EDARADD: variants seen among roughly 807,000 people sequenced by gnomAD.
EDARADD encodes EDAR associated via death domain, also known as ectodysplasin-A receptor-associated adapter protein.
In EDARADD, 20 loss-of-function variants were observed where a neutral mutation model predicts 25.6. That is an observed-to-expected ratio of 0.78 (90% CI 0.55 to 1.14). The LOEUF (loss-of-function observed/expected upper bound fraction) is 1.14, where lower values mean the gene tolerates loss of function less well. Among genes scored for constraint, EDARADD ranks in the 50% most tolerant of loss-of-function variants. The pLI, the probability that EDARADD is intolerant of heterozygous loss-of-function variation, is 0.00. For synonymous variants in EDARADD, 86 were observed against 94.4 expected (o/e 0.91, Z 0.52); for missense variants, 225 against 270.1 (o/e 0.83, Z 1.17).
At chr1:236,415,003 G>A (rs905391150) in intron 3 of EDARADD, among the ~76,000 whole-genome samples, 3 of 152,150 alleles carry the variant, frequency 2.0e-5, no homozygotes, top group South Asian at 4.1e-4. Flanking sequence ...CCATTCTTGG[G>A]CAGGATTTCC....
intron 3 of EDARADD, among the ~76,000 whole-genome samples, chr1:236,364,235 C>T (rs932877928): frequency 3.3e-5 from 5 of 152,050 alleles, no homozygotes; most frequent in Admixed American, 6.6e-5. Context: ...TATAGCAATG[C>T]GAGAATGAAC....
At chr1:236,369,606 C>A (rs572220339) in intron 3 of EDARADD, among the ~76,000 whole-genome samples, 1 of 152,186 alleles carries the variant, frequency 6.6e-6, no homozygotes, top group African/African-American at 2.4e-5. Flanking sequence ...CTTTGGGGGG[C>A]CGAGGCAGGT....
At chr1:236,479,403 G>T (rs958705578) in intron 5 of EDARADD, among the ~76,000 whole-genome samples, 1 of 151,642 alleles carries the variant, frequency 6.6e-6, no homozygotes. Context: ...GCTGAGGTGA[G>T]AGTATTGCTT....
intron 4 of EDARADD, among the ~76,000 whole-genome samples, chr1:236,431,172 AATT>A (rs772971976): frequency 2.0e-5 from 3 of 152,330 alleles, no homozygotes; most frequent in African/African-American, 4.8e-5. Flanking sequence ...TCTTTAGAAT[AATT>A]ATTATCTGCC....
At chr1:236,478,993 A>C (rs917443824) in intron 5 of EDARADD, among the ~76,000 whole-genome samples, 1 of 152,164 alleles carries the variant, frequency 6.6e-6, no homozygotes, top group African/African-American at 2.4e-5. Flanking sequence ...TAAGAATGAT[A>C]CGATAGACTT....
chr1:236,369,064 G>A (rs1014722843), intron 3 of EDARADD, among the ~76,000 whole-genome samples: 7 of 152,320 alleles, frequency 4.6e-5, no homozygotes, highest in Middle Eastern at 3.4e-3. Context: ...AAAGTGCTGG[G>A]ATTACAGGTG....
At position 236,483,566 on chromosome 1, in the gene EDARADD, C is replaced by A; in HGVS notation, c.*917C>A. ...AGGGGGTTCCCCTGTACCACCACAT[C>A]GCCGACTTGTCTGGCAACTCCAAAG... is the stretch of plus-strand genomic sequence containing the variant. On this transcript the variant is annotated 3_prime_UTR_variant, in exon 6 of 6. Transcript: ENST00000334232. The A allele has an allele frequency of 7.7e-7, 1 of 1,306,838 alleles. No individual in the cohort carries two copies. The highest frequency in any genetic ancestry group is 1.1e-6 in the Non-Finnish European group (1 of 902,406). 81.0% of individuals were successfully genotyped at this position (1,306,838 alleles called of 1,614,324 possible). A position where few individuals can be genotyped will look rare whatever the true frequency, so the allele number is the denominator to read the frequency against.
intron 5 of EDARADD, among the ~76,000 whole-genome samples, chr1:236,470,615 G>T (rs1335163263): frequency 6.6e-6 from 1 of 151,456 alleles, no homozygotes; most frequent in African/African-American, 2.4e-5. Flanking sequence ...TATTTTTTTT[G>T]TTTTTTTGAG....
At chr1:236,426,412 G>C (rs1482945294) in intron 3 of EDARADD, among the ~76,000 whole-genome samples, 1 of 152,186 alleles carries the variant, frequency 6.6e-6, no homozygotes, top group Non-Finnish European at 1.5e-5. Context: ...CAGCCCAGGG[G>C]AGGAGGACAC....
At chr1:236,385,089 CT>C (rs34509027) in intron 3 of EDARADD, among the ~76,000 whole-genome samples, 1,796 of 121,932 alleles carry the variant, frequency 0.015, 34 homozygotes, top group African/African-American at 0.051. Context: ...CCTTTTGATT[CT>C]TTTTTTTTTT....
chr1:236,427,350 T>C (rs748485760), intron 3 of EDARADD, 42 bp from the exon 4 acceptor site: 1 of 1,589,118 alleles, frequency 6.3e-7, no homozygotes, highest in South Asian at 1.1e-5. Flanking sequence ...CTTTTTAAAA[T>C]CACACTTTGT....
In EDARADD at chr1:236,395,702, C is replaced by G; in HGVS notation, c.61+1197C>G. 6.5e-7 allele frequency: 1 copy of G among 1,536,380 alleles called. No individual in the cohort carries two copies. The highest frequency in any genetic ancestry group is 8.7e-7 in the Non-Finnish European group (1 of 1,146,502). The stretch of plus-strand genomic sequence containing the variant: ...CCGCGCCCGCTCCTGGAGCGAGCAC[C>G]GCGGGGCGGGAGCTCGGGAGGCGCT... On this transcript the variant is annotated intron_variant, in intron 1 of 5. Transcript: ENST00000334232. The surrounding 1 kb of genome is among the most constrained non-coding windows in gnomAD (Gnocchi z 6.9).
intron 4 of EDARADD, among the ~76,000 whole-genome samples, chr1:236,450,136 T>C (rs1482369591): frequency 6.7e-6 from 1 of 149,812 alleles, no homozygotes; most frequent in East Asian, 1.9e-4. Context: ...TATTAAAAGA[T>C]GATGAATGAT....
chr1:236,401,809 G>A (rs777058876), intron 1 of EDARADD, among the ~76,000 whole-genome samples: 19 of 152,086 alleles, frequency 1.2e-4, no homozygotes, highest in Admixed American at 2.6e-4. Flanking sequence ...AACTTTCTTC[G>A]GAAACAGAGT....
intron 3 of EDARADD, among the ~76,000 whole-genome samples, chr1:236,371,938 G>GT (rs894046574): frequency 2.2e-4 from 33 of 151,646 alleles, no homozygotes; most frequent in African/African-American, 6.3e-4. Context: ...GTGGTTTGTT[G>GT]TTTTTTTAAT....
chr1:236,444,834 T>G (rs958011959), intron 4 of EDARADD, among the ~76,000 whole-genome samples: 1 of 152,212 alleles, frequency 6.6e-6, no homozygotes, highest in Admixed American at 6.5e-5. Flanking sequence ...CCCCACCTCT[T>G]CAGTCTGAAA....
chr1:236,436,019 C>G (rs1352714987), intron 4 of EDARADD, among the ~76,000 whole-genome samples: 1 of 152,010 alleles, frequency 6.6e-6, no homozygotes, highest in Non-Finnish European at 1.5e-5. Flanking sequence ...AAGTAAAAAC[C>G]TCAGCCAGGC....
chr1:236,419,230 GAAA>G (rs749856368), intron 3 of EDARADD, among the ~76,000 whole-genome samples: 6 of 150,680 alleles, frequency 4.0e-5, no homozygotes, highest in Non-Finnish European at 8.9e-5. Flanking sequence ...GCTCCAAAAA[GAAA>G]AAAAAAGTTA....
chr1:236,478,436 T>C (rs1221612024), intron 5 of EDARADD, among the ~76,000 whole-genome samples: 2 of 150,228 alleles, frequency 1.3e-5, no homozygotes, highest in Non-Finnish European at 3.0e-5. Flanking sequence ...TCTGGATGGA[T>C]ATATAAATAT....
Sources: allele counts gnomAD v4.1 joint callset (sites outside exome capture counted in the v4.1 genomes callset), GRCh38; gene constraint gnomAD v4.1.1; non-coding constraint Gnocchi (gnomAD v3.1); transcripts MANE v1.5; gene names NCBI Gene and HGNC (gene_info 2026-07-23, HGNC 2026-07-21).